ASB5: variants seen among roughly 807,000 people sequenced by gnomAD.
ASB5 encodes ankyrin repeat and SOCS box protein 5.
In ASB5, 45 loss-of-function variants were observed where a neutral mutation model predicts 42.1. The ratio of observed to expected loss-of-function variants is 1.07; its 90% CI spans 0.84 to 1.37. The LOEUF (loss-of-function observed/expected upper bound fraction) is 1.37. Among genes scored for constraint, ASB5 ranks in the 40% most tolerant of loss-of-function variants. The pLI is 0.00. For synonymous variants in ASB5, 147 were observed against 150.6 expected (o/e 0.98, Z 0.18); for missense variants, 402 against 399.8 (o/e 1.01, Z -0.05).
At chr4:176,259,694 A>G (rs1302615939) in intron 1 of ASB5, among the ~76,000 whole-genome samples, 3 of 152,212 alleles carry the variant, frequency 2.0e-5, no homozygotes, top group East Asian at 1.9e-4. Flanking sequence ...CTTAAATTTT[A>G]TCATTGTCAG....
intron 1 of ASB5, among the ~76,000 whole-genome samples, chr4:176,261,481 T>TA (rs575157479): frequency 8.9e-4 from 135 of 152,308 alleles, no homozygotes; most frequent in African/African-American, 3.0e-3. Flanking sequence ...CCACTCAACT[T>TA]ACGTTTCTTC....
rs1323699863 is a variant in ASB5, at chr4:176,249,925, C to A, written c.196+18988G>T. ...CTAAAAACACAAAAAATTAGCCGGGCGTGGTGACGGGCGCCTGTAGTCCCA... is the reference window on the plus strand; with the variant it reads ...CTAAAAACACAAAAAATTAGCCGGGAGTGGTGACGGGCGCCTGTAGTCCCA... On this transcript the variant is annotated intron_variant, in intron 1 of 6. Transcript: ENST00000296525. Among the ~76,000 whole-genome samples the A allele has an allele frequency of 2.6e-5, 4 of 151,212 alleles. No individual in the cohort carries two copies. The East Asian group carries it at 5.8e-4, about 22-fold the overall frequency.
At chr4:176,253,400 A>G (rs1472160490) in intron 1 of ASB5, among the ~76,000 whole-genome samples, 1 of 152,240 alleles carries the variant, frequency 6.6e-6, no homozygotes, top group African/African-American at 2.4e-5. Flanking sequence ...CATAGCTTTT[A>G]AAGAACCTAG....
At position 176,213,683 on chromosome 4, in the gene ASB5, A is replaced by G. The variant is rs1244464951; in HGVS notation, c.*1917T>C. On this transcript the variant is annotated 3_prime_UTR_variant, in exon 7 of 7. Coordinates refer to ENST00000296525, the MANE Select transcript of ASB5 (RefSeq NM_080874.4). ...GACAAACACAAAGTGTTTTATTCCA[A>G]TGAATAATAATCACACTTTAATATA... 2 of 152,094 alleles carry G rather than the reference A, an allele frequency of 1.3e-5. No homozygotes were observed. Among genetic ancestry groups the G allele is most frequent in the African/African-American group, 4.8e-5 (2 of 41,440 alleles). The allele number at this position is 152,094 out of a possible 1,614,324, so 9.4% of individuals were successfully genotyped here. A position where few individuals can be genotyped will look rare whatever the true frequency, so the allele number is the denominator to read the frequency against.
intron 1 of ASB5, among the ~76,000 whole-genome samples, chr4:176,267,057 G>A (rs2126979560): frequency 6.6e-6 from 1 of 152,162 alleles, no homozygotes; most frequent in Middle Eastern, 3.4e-3. Context: ...CCACAAAAAT[G>A]TTTCTTCTGT....
chr4:176,217,759 AG>A (rs1373068698), intron 5 of ASB5, among the ~76,000 whole-genome samples: 7 of 152,090 alleles, frequency 4.6e-5, no homozygotes, highest in Non-Finnish European at 1.0e-4. Flanking sequence ...AATGCTGTTT[AG>A]TACTGTTAAA....
intron 1 of ASB5, among the ~76,000 whole-genome samples, chr4:176,267,262 C>T (rs529856710): frequency 6.6e-6 from 1 of 152,220 alleles, no homozygotes; most frequent in East Asian, 1.9e-4. Flanking sequence ...CTGTTTTGTA[C>T]ACAAATATTC....
At chr4:176,223,191 G>C (rs1393927133) in intron 2 of ASB5, among the ~76,000 whole-genome samples, 1 of 152,198 alleles carries the variant, frequency 6.6e-6, no homozygotes, top group East Asian at 1.9e-4. Flanking sequence ...GTATGATGAA[G>C]TTGTGCACTA....
At chr4:176,220,461 G>A (rs1753170340) in intron 5 of ASB5, among the ~76,000 whole-genome samples, 1 of 152,162 alleles carries the variant, frequency 6.6e-6, no homozygotes, top group Admixed American at 6.6e-5. Flanking sequence ...TCTATCAGAT[G>A]AGAGGATGAG....
At chr4:176,253,646 T>C (rs1390615186) in intron 1 of ASB5, among the ~76,000 whole-genome samples, 1 of 152,206 alleles carries the variant, frequency 6.6e-6, no homozygotes, top group Non-Finnish European at 1.5e-5. Flanking sequence ...CTCTAAGAAC[T>C]CTAGCAAAGG....
chr4:176,249,505 T>C (rs1480917302), intron 1 of ASB5: 1 of 152,140 alleles, frequency 6.6e-6, no homozygotes, highest in Non-Finnish European at 1.5e-5. Context: ...ACCTGCAGTC[T>C]TAGTGGGACT....
Position 176,222,282 on chromosome 4 carries a change from T to C in ASB5, c.384+31A>G, listed in dbSNP as rs771182952. 9 of 1,550,304 alleles carry C rather than the reference T, an allele frequency of 5.8e-6. No homozygotes were observed. The South Asian group carries it at 8.9e-5, about 15-fold the overall frequency. On this transcript the variant is annotated intron_variant, in intron 3 of 6. Transcript: ENST00000296525. Reference sequence around the variant, plus strand: ...GTTGGATTCCCTCCGTCAGTAGATGTTAAATGATTAATGTTTTGAAAGGTA... The same window carrying C: ...GTTGGATTCCCTCCGTCAGTAGATGCTAAATGATTAATGTTTTGAAAGGTA...
At chr4:176,216,778 A>G (rs1752981704) in intron 6 of ASB5, 40 bp downstream of exon 6, 1 of 1,482,752 alleles carries the variant, frequency 6.7e-7, no homozygotes, top group Non-Finnish European at 9.0e-7. Flanking sequence ...TTAGGCAAAT[A>G]TATTTTGTTT....
chr4:176,219,658 TCCA>T (rs1239672378), intron 5 of ASB5, among the ~76,000 whole-genome samples: 1 of 138,620 alleles, frequency 7.2e-6, no homozygotes, highest in Non-Finnish European at 1.5e-5. Flanking sequence ...CACTGTTACC[TCCA>T]CCTCCCGGGT....
At position 176,222,249 on chromosome 4, in the gene ASB5, A is replaced by C. The variant is rs1009226756; in HGVS notation, c.384+64T>G. 6 of 1,405,640 alleles carry C rather than the reference A, an allele frequency of 4.3e-6. No homozygotes were observed. The African/African-American group carries it at 7.2e-5, about 17-fold the overall frequency. 87.1% of individuals were successfully genotyped at this position (1,405,640 alleles called of 1,614,324 possible). A position where few individuals can be genotyped will look rare whatever the true frequency, so the allele number is the denominator to read the frequency against. ...GAATGAAGGAAAGAAAAGTAAAATG[A>C]GAACTCTGTTGGATTCCCTCCGTCA... On this transcript the variant is annotated intron_variant, in intron 3 of 6. Coordinates refer to ENST00000296525, the MANE Select transcript of ASB5 (RefSeq NM_080874.4).
chr4:176,217,703 G>A (rs1753011567), intron 5 of ASB5, among the ~76,000 whole-genome samples: 1 of 152,038 alleles, frequency 6.6e-6, no homozygotes, highest in Admixed American at 6.6e-5. Context: ...TTATCCCAGT[G>A]CAAAGCCTGG....
At chr4:176,217,719 G>A (rs1753012215) in intron 5 of ASB5, among the ~76,000 whole-genome samples, 1 of 152,052 alleles carries the variant, frequency 6.6e-6, no homozygotes, top group South Asian at 2.1e-4. Context: ...CCTGGCACAT[G>A]CTGGTCATTC....
rs146289904 is a variant in ASB5 at position 176,257,860 on chromosome 4, A to T, written c.196+11053T>A. Among the ~76,000 whole-genome samples, 952 of 152,204 alleles carry T rather than the reference A, an allele frequency of 6.3e-3. 9 individuals are homozygous for T. The highest frequency in any genetic ancestry group is 0.022 in the African/African-American group (926 of 41,528). On this transcript the variant is annotated intron_variant, in intron 1 of 6. Transcript: ENST00000296525. ...ACCCGAAAAAACTGACAACTTACTAAGCTCTTTAGAGCTTCAGTGAATTGT... is the reference window on the plus strand; with the variant it reads ...ACCCGAAAAAACTGACAACTTACTATGCTCTTTAGAGCTTCAGTGAATTGT...
chr4:176,225,961 C>G (rs900414333), intron 1 of ASB5, among the ~76,000 whole-genome samples: 2 of 152,214 alleles, frequency 1.3e-5, no homozygotes. Context: ...TTCTTCCAAC[C>G]ATTACCTTGT....
Sources: allele counts gnomAD v4.1 joint callset (sites outside exome capture counted in the v4.1 genomes callset), GRCh38; gene constraint gnomAD v4.1.1; transcripts MANE v1.5; gene names NCBI Gene and HGNC (gene_info 2026-07-23, HGNC 2026-07-21).